SUMF1: variants seen among roughly 807,000 people sequenced by gnomAD.
The protein encoded by SUMF1 is sulfatase modifying factor 1.
In SUMF1, 48 loss-of-function variants were observed where a neutral mutation model predicts 47.6. The observed-to-expected ratio is 1.01, with a 90% CI of 0.80 to 1.28. SUMF1 has a LOEUF of 1.28. Among genes scored for constraint, SUMF1 ranks in the 50% most tolerant of loss-of-function variants. The probability of loss-of-function intolerance (pLI) is 0.00; values close to 1 mark genes in which losing one functional copy is unlikely to be tolerated. For missense variants in SUMF1, 571 were observed against 485.4 expected (o/e 1.18, Z -1.66); for synonymous variants, 230 against 192.1 (o/e 1.20, Z -1.63).
At chr3:4,294,246 CT>C (rs1214625195) in intron 8 of SUMF1, among the ~76,000 whole-genome samples, 1 of 152,044 alleles carries the variant, frequency 6.6e-6, no homozygotes, top group Non-Finnish European at 1.5e-5. Flanking sequence ...TGAAATTCAG[CT>C]CTTCGGTCAC....
At chr3:4,398,372 T>C (rs1384990210) in intron 7 of SUMF1, among the ~76,000 whole-genome samples, 1 of 151,854 alleles carries the variant, frequency 6.6e-6, no homozygotes, top group African/African-American at 2.4e-5. Context: ...CATATTCCTA[T>C]ATTAAAAAGG....
rs374805118 is a variant in SUMF1 at position 4,188,755 on chromosome 3, A to G, written c.1015-120010T>C. 2.6e-5 allele frequency among the ~76,000 whole-genome samples: 4 copies of G among 152,294 alleles called. No homozygotes were observed. The East Asian group carries it at 5.8e-4, about 22-fold the overall frequency. On this transcript the variant is annotated intron_variant and NMD_transcript_variant, in intron 8 of 12. Coordinates refer to the SUMF1 transcript ENST00000448413. ...CCTTGTCTATAAAATGGGGATAATA[A>G]GAACAATTACCTCAAAAAGTGTGAG...
At chr3:4,238,577 G>A (rs867989932) in intron 8 of SUMF1, among the ~76,000 whole-genome samples, 9 of 152,190 alleles carry the variant, frequency 5.9e-5, no homozygotes, top group African/African-American at 2.2e-4. Flanking sequence ...GCCTTCTTTT[G>A]AGAAGTGTCT....
chr3:4,224,191 T>C lies in SUMF1; in HGVS notation c.1014+152139A>G, dbSNP rs182817925. ...GCCCAGTGGGCCTCATGACAGCAGA[T>C]TGGTGCAGATAAAGTTTCTATCAGA... On this transcript the variant is annotated intron_variant and NMD_transcript_variant, in intron 8 of 12. Transcript: ENST00000448413. Among the ~76,000 whole-genome samples, 139 of 152,086 alleles carry C rather than the reference T, an allele frequency of 9.1e-4. 1 individual carries two copies. The highest frequency in any genetic ancestry group is 5.4e-3 in the Admixed American group (82 of 15,266).
At chr3:4,130,300 T>G (rs1175826393) in intron 8 of SUMF1, among the ~76,000 whole-genome samples, 3 of 152,148 alleles carry the variant, frequency 2.0e-5, no homozygotes, top group African/African-American at 7.2e-5. Context: ...GCCATTGACT[T>G]GACAAATGCC....
chr3:4,188,966 C>A (rs1695258978), intron 8 of SUMF1, among the ~76,000 whole-genome samples: 1 of 152,104 alleles, frequency 6.6e-6, no homozygotes, highest in Non-Finnish European at 1.5e-5. Flanking sequence ...GTATAAGATT[C>A]CTAATATTTC....
chr3:4,327,615 T>C lies in SUMF1; in HGVS notation c.1014+48715A>G, dbSNP rs114105381. Among the ~76,000 whole-genome samples, 1,095 of 151,880 alleles carry C rather than the reference T, an allele frequency of 7.2e-3. 12 individuals carry two copies. Among genetic ancestry groups the C allele is most frequent in the African/African-American group, 0.025 (1,041 of 41,474 alleles). ...AGACAGCAGAATTATAGGAATCTTATACAATTTTGGAACACATATTAATAA... is the reference window on the plus strand; with the variant it reads ...AGACAGCAGAATTATAGGAATCTTACACAATTTTGGAACACATATTAATAA... On this transcript the variant is annotated intron_variant and NMD_transcript_variant, in intron 8 of 12. Coordinates refer to the SUMF1 transcript ENST00000448413.
chr3:4,164,346 G>A (rs1013570963), intron 8 of SUMF1, among the ~76,000 whole-genome samples: 18 of 152,082 alleles, frequency 1.2e-4, no homozygotes, highest in African/African-American at 3.1e-4. Flanking sequence ...AAACGTACCC[G>A]GGGCTCAGTG....
chr3:4,045,274 A>G (rs538845078), intron 9 of SUMF1, among the ~76,000 whole-genome samples: 1 of 151,988 alleles, frequency 6.6e-6, no homozygotes, highest in Non-Finnish European at 1.5e-5. Context: ...CATGCCAAGG[A>G]GTTCTAGCCT....
chr3:4,070,271 G>C (rs1439399605), intron 8 of SUMF1, among the ~76,000 whole-genome samples: 2 of 151,944 alleles, frequency 1.3e-5, no homozygotes, highest in African/African-American at 4.8e-5. Flanking sequence ...CAACCACCTT[G>C]GGTACATGTT....
At chr3:4,135,035 C>G (rs1216823597) in intron 8 of SUMF1, among the ~76,000 whole-genome samples, 3 of 152,092 alleles carry the variant, frequency 2.0e-5, no homozygotes, top group Non-Finnish European at 4.4e-5. Context: ...CCGAATTCTA[C>G]CAGAGGTACA....
chr3:4,090,899 G>C (rs1032185430), intron 8 of SUMF1, among the ~76,000 whole-genome samples: 1 of 152,010 alleles, frequency 6.6e-6, no homozygotes, highest in East Asian at 1.9e-4. Context: ...GGCTAACACG[G>C]TGAAACCTCA....
intron 8 of SUMF1, among the ~76,000 whole-genome samples, chr3:4,154,688 TTTC>T (rs1318195069): frequency 1.3e-5 from 2 of 151,562 alleles, no homozygotes; most frequent in Non-Finnish European, 2.9e-5. Flanking sequence ...CAAAAAAATA[TTTC>T]TTGATTGCCT....
chr3:4,330,870 C>T (rs976280243), intron 8 of SUMF1, among the ~76,000 whole-genome samples: 5 of 152,142 alleles, frequency 3.3e-5, no homozygotes, highest in Admixed American at 1.3e-4. Flanking sequence ...AGTTTGATCA[C>T]AAAGTAAGAT....
At chr3:4,369,736 T>C (rs1208224225) in intron 8 of SUMF1, among the ~76,000 whole-genome samples, 1 of 152,170 alleles carries the variant, frequency 6.6e-6, no homozygotes, top group African/African-American at 2.4e-5. Flanking sequence ...GAAACTCTGA[T>C]TCAGGAAGTC....
At chr3:4,358,463 C>T (rs567726863), downstream of SUMF1, among the ~76,000 whole-genome samples, 21 of 152,290 alleles carry the variant, frequency 1.4e-4, no homozygotes, top group Non-Finnish European at 2.8e-4. Flanking sequence ...AGAAATAGCT[C>T]ACAAGTGATT....
downstream of SUMF1, among the ~76,000 whole-genome samples, chr3:4,359,273 T>C (rs758608248): frequency 6.6e-6 from 1 of 152,162 alleles, no homozygotes; most frequent in Non-Finnish European, 1.5e-5. Context: ...TGTTAGGATG[T>C]CATTTTATTG....
At chr3:4,386,712 C>T (rs1421041903) in intron 7 of SUMF1, among the ~76,000 whole-genome samples, 1 of 151,976 alleles carries the variant, frequency 6.6e-6, no homozygotes, top group African/African-American at 2.4e-5. Flanking sequence ...GGTCTTTTAC[C>T]ATTAAGTATA....
intron 8 of SUMF1, among the ~76,000 whole-genome samples, chr3:4,076,950 G>A (rs572861762): frequency 6.6e-6 from 1 of 152,196 alleles, no homozygotes; most frequent in East Asian, 1.9e-4. Context: ...CTTGCAGTGA[G>A]CCGAGATCGT....
Sources: allele counts gnomAD v4.1 joint callset (sites outside exome capture counted in the v4.1 genomes callset), GRCh38; gene constraint gnomAD v4.1.1; transcripts MANE v1.5; gene names NCBI Gene and HGNC (gene_info 2026-07-23, HGNC 2026-07-21).